Variants in NEK10 observed in about 807,000 individuals in gnomAD.
NEK10 encodes the protein serine/threonine-protein kinase Nek10.
A neutral mutation model predicts 159.8 loss-of-function variants in NEK10; 122 were observed. That is an observed-to-expected ratio of 0.76 (90% CI 0.66 to 0.89). NEK10 has a LOEUF of 0.89. Ranked by LOEUF, NEK10 falls within the 40% of genes least tolerant of loss-of-function variation. The pLI is 0.00. For synonymous variants in NEK10, 466 were observed against 457.1 expected, an observed-to-expected ratio of 1.02 and a Z score of -0.25; for missense variants, 1,342 against 1,323.1, an observed-to-expected ratio of 1.01 and a Z score of -0.22.
chr3:27,287,474 G>A (rs1025399073), intron 20 of NEK10, among the ~76,000 whole-genome samples: 6 of 152,108 alleles, frequency 3.9e-5, no homozygotes, highest in African/African-American at 9.7e-5. Flanking sequence ...TTGTTCATGC[G>A]TTTTTCACAC....
At chr3:27,154,338 C>A (rs573815246) in intron 30 of NEK10, among the ~76,000 whole-genome samples, 6 of 152,148 alleles carry the variant, frequency 3.9e-5, no homozygotes, top group African/African-American at 1.4e-4. Flanking sequence ...GGTCCAGGAC[C>A]AGAGGGATTC....
intron 26 of NEK10, among the ~76,000 whole-genome samples, chr3:27,190,095 CT>C (rs895878364): frequency 1.7e-4 from 26 of 152,150 alleles, no homozygotes; most frequent in African/African-American, 6.0e-4. Flanking sequence ...ATTTATGCCA[CT>C]TTTAAAGTCA....
intron 3 of NEK10, among the ~76,000 whole-genome samples, chr3:27,350,198 C>T (rs573841482): frequency 7.9e-5 from 12 of 152,232 alleles, no homozygotes; most frequent in African/African-American, 2.9e-4. Context: ...TGAAAATCTC[C>T]GAACCAAATA....
chr3:27,335,340 A>T (rs78372452), intron 5 of NEK10, among the ~76,000 whole-genome samples: 1 of 107,828 alleles, frequency 9.3e-6, no homozygotes, highest in Non-Finnish European at 1.6e-5. Flanking sequence ...ACTCTGTCTC[A>T]AAAAAAAAAA....
intron 30 of NEK10, chr3:27,143,458 T>G (rs778856072): frequency 1.3e-6 from 1 of 762,372 alleles, no homozygotes; most frequent in South Asian, 1.4e-5. Flanking sequence ...GCCACAAGAA[T>G]GTGCCCATCT....
intron 26 of NEK10, among the ~76,000 whole-genome samples, chr3:27,184,473 G>C (rs1314821829): frequency 6.6e-6 from 1 of 152,202 alleles, no homozygotes; most frequent in Non-Finnish European, 1.5e-5. Flanking sequence ...TCTAACTCTT[G>C]TTTGGGGTGG....
chr3:27,253,715 C>A (rs1955891967), intron 23 of NEK10, among the ~76,000 whole-genome samples: 1 of 152,074 alleles, frequency 6.6e-6, no homozygotes, highest in South Asian at 2.1e-4. Context: ...GGGGACCCTG[C>A]AGGGAAGGGA....
intron 29 of NEK10, among the ~76,000 whole-genome samples, chr3:27,163,375 C>T (rs1409138023): frequency 4.6e-5 from 7 of 150,610 alleles, no homozygotes; most frequent in East Asian, 1.9e-4. Context: ...TTTTTTGAGA[C>T]GAGTCTAGCT....
chr3:27,224,603 G>A (rs1476565617), intron 23 of NEK10, among the ~76,000 whole-genome samples: 1 of 152,156 alleles, frequency 6.6e-6, no homozygotes, highest in Non-Finnish European at 1.5e-5. Flanking sequence ...TCTTAATAAA[G>A]CTGTGACAAG....
chr3:27,172,748 ATATAT>A (rs1239463141), intron 28 of NEK10, among the ~76,000 whole-genome samples: 34 of 152,304 alleles, frequency 2.2e-4, no homozygotes, highest in Admixed American at 7.2e-4. Flanking sequence ...ATAGGTACAA[ATATAT>A]TATATATCAG....
intron 30 of NEK10, among the ~76,000 whole-genome samples, chr3:27,154,435 T>C (rs2148766240): frequency 6.6e-6 from 1 of 152,306 alleles, no homozygotes; most frequent in African/African-American, 2.4e-5. Context: ...GAACCCTCCC[T>C]AATTCATTCT....
At chr3:27,221,133 C>G (rs1250762349) in intron 23 of NEK10, among the ~76,000 whole-genome samples, 1 of 152,170 alleles carries the variant, frequency 6.6e-6, no homozygotes, top group Non-Finnish European at 1.5e-5. Flanking sequence ...TAGAATGACT[C>G]TTAAGCACAA....
intron 28 of NEK10, among the ~76,000 whole-genome samples, 189 bp from the exon 29 acceptor site, chr3:27,172,062 G>A (rs1476642321): frequency 6.6e-6 from 1 of 151,932 alleles, no homozygotes; most frequent in South Asian, 2.1e-4. Context: ...TTCTCGGCCG[G>A]GTGTGGTGGC....
rs141529070 is a variant in NEK10 at position 27,275,637 on chromosome 3, T to G, written c.2014+8965A>C. Among the ~76,000 whole-genome samples the G allele has an allele frequency of 3.3e-5, 5 of 152,306 alleles. No homozygotes were observed. In the East Asian group the frequency reaches 9.7e-4, roughly 29 times the overall value. On this transcript the variant is annotated intron_variant, in intron 22 of 35. Transcript: ENST00000691995. ...TCGACAGACCTACAAAAACCATGAATAGAGTCCATCATATATGTATTTGAC... is the reference window on the plus strand; with the variant it reads ...TCGACAGACCTACAAAAACCATGAAGAGAGTCCATCATATATGTATTTGAC...
intron 1 of NEK10, among the ~76,000 whole-genome samples, chr3:27,359,447 T>A (rs1435352245): frequency 1.3e-5 from 2 of 152,222 alleles, no homozygotes. Flanking sequence ...CAGTTCTGTC[T>A]GTTTTCAAAG....
At chr3:27,171,452 G>T (rs1487114291) in intron 29 of NEK10, among the ~76,000 whole-genome samples, 3 of 151,926 alleles carry the variant, frequency 2.0e-5, no homozygotes, top group African/African-American at 7.3e-5. Flanking sequence ...AAGTCATATT[G>T]GTCAAAAAGA....
At chr3:27,114,043 T>C (rs1350919726) in intron 35 of NEK10, among the ~76,000 whole-genome samples, 1 of 152,206 alleles carries the variant, frequency 6.6e-6, no homozygotes, top group Non-Finnish European at 1.5e-5. Flanking sequence ...AGTATGCTTA[T>C]GTATGTAAAA....
rs537140144 is a variant in NEK10, at chr3:27,266,207, T to C, written c.2015-9836A>G. Among the ~76,000 whole-genome samples the C allele has an allele frequency of 3.9e-5, 6 of 152,332 alleles. No homozygotes were observed. In the East Asian group the frequency reaches 1.2e-3, roughly 29 times the overall value. On this transcript the variant is annotated intron_variant, in intron 22 of 35. Transcript: ENST00000691995. ...TAAACTTTGACTAAGTCAAATTTAT[T>C]AGTTTATTTTACATGTTATGGCTTT... is the stretch of plus-strand genomic sequence containing the variant.
intron 22 of NEK10, among the ~76,000 whole-genome samples, chr3:27,264,216 C>A (rs566927313): frequency 6.6e-5 from 10 of 152,172 alleles, no homozygotes; most frequent in African/African-American, 2.4e-4. Context: ...CTCAACCAAA[C>A]TTTTAAGAAA....
Sources: gnomAD v4.1 joint callset for allele counts (sites outside exome capture counted in the v4.1 genomes callset) on GRCh38, gnomAD v4.1.1 for gene constraint, MANE v1.5 for transcripts, NCBI Gene and HGNC (gene_info 2026-07-23, HGNC 2026-07-21) for gene names.